FAAH2: variants seen among roughly 807,000 people sequenced by gnomAD.
The protein encoded by FAAH2 is fatty acid amide hydrolase 2.
Under a neutral mutation model 36.9 loss-of-function variants are expected in FAAH2, and 60 were observed. The observed-to-expected ratio is 1.63, with a 90% CI of 1.32 to 2.02. The LOEUF (loss-of-function observed/expected upper bound fraction) is 2.02, where lower values mean the gene tolerates loss of function less well. Among genes scored for constraint, FAAH2 ranks in the 30% most tolerant of loss-of-function variants. FAAH2 has a pLI of 0.00. For synonymous variants in FAAH2, 214 were observed against 143.8 expected, an observed-to-expected ratio of 1.49 and a Z score of -3.49; for missense variants, 689 against 397.5, an observed-to-expected ratio of 1.73 and a Z score of -6.23.
In FAAH2 at chrX:57,341,331, G is replaced by T; in HGVS notation, c.683G>T (p.Gly228Val). 8.3e-7 allele frequency: 1 copy of T among 1,210,497 alleles called. No individual in the cohort carries two copies. Among genetic ancestry groups the T allele is most frequent in the South Asian group, 1.8e-5 (1 of 56,884 alleles). The part of the protein sequence containing the change: ...CSVIGVGSDI[G>V]GSIRMPAFFN... ...GTTATTGGTGTGGGCTCTGATATTG[G>T]TGGTAGCATTCGAATGCCTGCTTTC... Residue 228 changes from glycine (G) to valine (V), a missense_variant, in exon 5 of 11, where the codon GGT becomes GTT. By Grantham distance (109) the Gly-to-Val change is moderately radical. Transcript: ENST00000374900.
intron 5 of FAAH2, among the ~76,000 whole-genome samples, chrX:57,347,557 T>A (rs946193039): frequency 9.2e-6 from 1 of 108,654 alleles, no homozygotes; most frequent in South Asian, 4.0e-4. Context: ...GAGTTCCATA[T>A]CTGTCAAAAA....
the FAAH2 span, among the ~76,000 whole-genome samples, chrX:57,220,431 C>T: frequency 9.0e-6 from 1 of 111,227 alleles, no homozygotes; most frequent in Non-Finnish European, 1.9e-5. Flanking sequence ...GCGCTTTCCC[C>T]TTCAAACCCT....
chrX:57,323,430 A>G (rs750738065), intron 3 of FAAH2, among the ~76,000 whole-genome samples: 100 of 111,867 alleles, frequency 8.9e-4, no homozygotes, highest in Middle Eastern at 9.2e-3. Flanking sequence ...CAAAGGTTGA[A>G]CTAGTTTACA....
the FAAH2 span, among the ~76,000 whole-genome samples, chrX:57,134,190 C>T: frequency 6.3e-5 from 7 of 111,700 alleles, no homozygotes; most frequent in African/African-American, 2.3e-4. Context: ...TTGCTGCTCC[C>T]TCTCCCCACC....
At chrX:57,135,417 C>T in the FAAH2 span, 14 of 168,235 alleles carry the variant, frequency 8.3e-5, no homozygotes, top group East Asian at 1.6e-4. Flanking sequence ...CCTTTTCCAC[C>T]TCTTCCTAAG....
At chrX:57,323,131 G>C (rs2053084640) in intron 3 of FAAH2, among the ~76,000 whole-genome samples, 1 of 110,760 alleles carries the variant, frequency 9.0e-6, no homozygotes, top group South Asian at 3.8e-4. Context: ...ATGGTTTCCA[G>C]CTTCATCCAT....
the FAAH2 span, among the ~76,000 whole-genome samples, chrX:57,277,951 G>A: frequency 6.3e-3 from 702 of 111,703 alleles, 5 homozygotes; most frequent in Non-Finnish European, 9.6e-3. Flanking sequence ...AGAACATTCC[G>A]TGCTCATGGA....
intron 1 of FAAH2, 114 bp from the exon 2 acceptor site, chrX:57,292,384 C>T: frequency 1.6e-6 from 1 of 633,996 alleles, no homozygotes; most frequent in East Asian, 3.6e-5. Context: ...CTGTGTAATT[C>T]ACTGAAAGTG....
intron 3 of FAAH2, among the ~76,000 whole-genome samples, chrX:57,312,573 G>C (rs1332326068): frequency 2.7e-5 from 3 of 110,303 alleles, no homozygotes; most frequent in African/African-American, 9.9e-5. Flanking sequence ...CCAGCTACTT[G>C]GGAGGCTGAG....
the FAAH2 span, among the ~76,000 whole-genome samples, chrX:57,147,902 T>C: frequency 5.4e-5 from 6 of 112,127 alleles, no homozygotes; most frequent in East Asian, 1.7e-3. Context: ...CTAGTTTTAT[T>C]CCACTCTAGT....
At chrX:57,278,629 A>G in the FAAH2 span, among the ~76,000 whole-genome samples, 1 of 75,953 alleles carries the variant, frequency 1.3e-5, no homozygotes, top group African/African-American at 1.3e-4. Flanking sequence ...AATAATAATA[A>G]CAATAAAACA....
At chrX:57,329,431 G>C (rs921897938) in intron 3 of FAAH2, among the ~76,000 whole-genome samples, 1 of 110,832 alleles carries the variant, frequency 9.0e-6, no homozygotes, top group Non-Finnish European at 1.9e-5. Context: ...TGCATGCCTA[G>C]TTTCTGCCGG....
rs183241918 is a variant in FAAH2, at chrX:57,299,612, C to G, written c.275+7032C>G. ...TGTTGGAAGTTCTGTCCAGGGACAT[C>G]AGACAAGAGAAGGAAATAAAGGACA... On this transcript the variant is annotated intron_variant, in intron 2 of 10. Coordinates refer to ENST00000374900, the MANE Select transcript of FAAH2 (RefSeq NM_174912.4). Among the ~76,000 whole-genome samples, 5 of 111,970 alleles carry G rather than the reference C, an allele frequency of 4.5e-5. No individual in the cohort carries two copies. In the East Asian group the frequency reaches 1.1e-3, roughly 25 times the overall value.
chrX:57,441,487 T>C (rs902353403), intron 8 of FAAH2, among the ~76,000 whole-genome samples: 14 of 111,073 alleles, frequency 1.3e-4, no homozygotes, highest in Non-Finnish European at 2.1e-4. Context: ...TTGATTCCTC[T>C]CTCTTTTCTT....
At chrX:57,171,433 CTT>C in the FAAH2 span, among the ~76,000 whole-genome samples, 6 of 111,724 alleles carry the variant, frequency 5.4e-5, no homozygotes, top group Non-Finnish European at 1.1e-4. Context: ...TGTTTTTTGA[CTT>C]TTTAATAATG....
At position 57,338,908 on chromosome X, in the gene FAAH2, A is replaced by C. The variant is rs775788175; in HGVS notation, c.623-2363A>C. Among the ~76,000 whole-genome samples, 4 of 111,637 alleles carry C rather than the reference A, an allele frequency of 3.6e-5. No homozygotes were observed. The South Asian group carries it at 1.1e-3, about 31-fold the overall frequency. ...TTTTTCAGAGAATTAGGAAAAAAAA[A>C]CCTATTTTAAAATTCACGTGGAGAC... On this transcript the variant is annotated intron_variant, in intron 4 of 10. Coordinates refer to ENST00000374900, the MANE Select transcript of FAAH2 (RefSeq NM_174912.4).
At chrX:57,335,742 C>G (rs897826020) in intron 4 of FAAH2, among the ~76,000 whole-genome samples, 3 of 111,812 alleles carry the variant, frequency 2.7e-5, no homozygotes, top group East Asian at 2.9e-4. Context: ...TCTTTCCCTT[C>G]CCACGAGGCC....
intron 7 of FAAH2, among the ~76,000 whole-genome samples, chrX:57,389,010 C>T (rs1228515657): frequency 2.7e-5 from 3 of 109,099 alleles, no homozygotes; most frequent in East Asian, 5.8e-4. Flanking sequence ...TAGTAAAGGA[C>T]ATCTTGGTTG....
Position 57,312,531 on chromosome X carries a change from T to G in FAAH2, c.412+1802T>G, listed in dbSNP as rs566594354. On this transcript the variant is annotated intron_variant, in intron 3 of 10. Transcript: ENST00000374900. The stretch of plus-strand genomic sequence containing the variant: ...CTACTAAAAATACAAGAAAAAAAAA[T>G]TAGCTGGGCATGGTGGCGGGCATCT... Among the ~76,000 whole-genome samples the G allele has an allele frequency of 3.6e-5, 4 of 109,826 alleles. No individual in the cohort carries two copies. In the South Asian group the frequency reaches 1.6e-3, roughly 44 times the overall value.
Sources: gnomAD v4.1 joint callset for allele counts (sites outside exome capture counted in the v4.1 genomes callset) on GRCh38, gnomAD v4.1.1 for gene constraint, MANE v1.5 for transcripts, NCBI Gene and HGNC (gene_info 2026-07-23, HGNC 2026-07-21) for gene names.